KYNU: variants seen among roughly 807,000 people sequenced by gnomAD.
KYNU encodes the protein kynureninase.
Under a neutral mutation model 59.2 loss-of-function variants are expected in KYNU, and 54 were observed. That is an observed-to-expected ratio of 0.91 (90% CI 0.73 to 1.14). KYNU has a LOEUF of 1.14. KYNU is among the 50% of genes most tolerant of loss of function. The pLI is 0.00. For missense variants in KYNU, 567 were observed against 554.4 expected (o/e 1.02, Z -0.23); for synonymous variants, 177 against 192.0 (o/e 0.92, Z 0.65).
chr2:142,937,202 C>G (rs1193230876), intron 4 of KYNU, among the ~76,000 whole-genome samples: 3 of 152,096 alleles, frequency 2.0e-5, no homozygotes, highest in African/African-American at 7.2e-5. Flanking sequence ...GTGTACCCTG[C>G]TGATATATGT....
chr2:143,004,599 G>A (rs560092872), intron 10 of KYNU, among the ~76,000 whole-genome samples: 2 of 152,104 alleles, frequency 1.3e-5, no homozygotes, highest in Non-Finnish European at 2.9e-5. Flanking sequence ...CACTCGGGAG[G>A]CTGAGGCAGG....
intron 2 of KYNU, among the ~76,000 whole-genome samples, chr2:142,915,499 A>G (rs931838361): frequency 6.6e-6 from 1 of 152,230 alleles, no homozygotes; most frequent in Non-Finnish European, 1.5e-5. Flanking sequence ...ATCTGAAGTG[A>G]TGTTGATATT....
rs75627993 is a variant in KYNU at position 142,895,426 on chromosome 2, C to G, written c.169+9890C>G. 5.3e-3 allele frequency among the ~76,000 whole-genome samples: 807 copies of G among 152,188 alleles called. 2 individuals carry two copies. The highest frequency in any genetic ancestry group is 8.5e-3 in the Non-Finnish European group (577 of 68,004). ...CTGGTTTCCTTTACTTAAGGAAATG[C>G]CTTTGAGATTAAGCAAAGTTATGTC... On this transcript the variant is annotated intron_variant, in intron 2 of 13. Transcript: ENST00000264170.
intron 8 of KYNU, among the ~76,000 whole-genome samples, chr2:142,961,272 C>T (rs1684339128): frequency 7.1e-6 from 1 of 140,954 alleles, no homozygotes. Flanking sequence ...TCTATTTAAA[C>T]TGCTTTTTTT....
At chr2:142,927,029 A>G (rs1433577887) in intron 3 of KYNU, among the ~76,000 whole-genome samples, 2 of 152,110 alleles carry the variant, frequency 1.3e-5, no homozygotes, top group Non-Finnish European at 2.9e-5. Flanking sequence ...TTGAAAGTTG[A>G]AGTACTCTAT....
chr2:142,984,711 C>T (rs1032727968), intron 8 of KYNU, among the ~76,000 whole-genome samples: 4 of 152,018 alleles, frequency 2.6e-5, no homozygotes, highest in Admixed American at 2.0e-4. Context: ...GATATTTTCA[C>T]ATGAAACTTT....
At chr2:142,888,817 G>A (rs1206302938) in intron 2 of KYNU, among the ~76,000 whole-genome samples, 6 of 149,522 alleles carry the variant, frequency 4.0e-5, no homozygotes, top group African/African-American at 7.4e-5. Context: ...CTGTCAGAAC[G>A]GTTCAGAGAA....
chr2:143,039,181 G>T (rs1322800399), intron 12 of KYNU, among the ~76,000 whole-genome samples: 1 of 152,056 alleles, frequency 6.6e-6, no homozygotes, highest in Non-Finnish European at 1.5e-5. Flanking sequence ...AAATGCTTCA[G>T]TAAAAATAAA....
intron 2 of KYNU, among the ~76,000 whole-genome samples, chr2:142,887,041 G>C (rs1681539747): frequency 6.6e-6 from 1 of 152,006 alleles, no homozygotes; most frequent in African/African-American, 2.4e-5. Flanking sequence ...GTAGTGGCGG[G>C]CGCCTGTAGT....
chr2:142,978,403 A>G (rs1684950496), intron 8 of KYNU, among the ~76,000 whole-genome samples: 1 of 152,190 alleles, frequency 6.6e-6, no homozygotes, highest in Non-Finnish European at 1.5e-5. Context: ...AGAACACTTA[A>G]AGTTCTGATT....
intron 1 of KYNU, among the ~76,000 whole-genome samples, chr2:142,878,869 T>C (rs1417625188): frequency 6.6e-6 from 1 of 152,216 alleles, no homozygotes; most frequent in Non-Finnish European, 1.5e-5. Context: ...CCTAATGTCA[T>C]TTGAGCTTAA....
intron 1 of KYNU, among the ~76,000 whole-genome samples, chr2:142,883,186 CTTTTTTTTTTTTTTTTTT>C (rs70997528): frequency 1.4e-5 from 1 of 72,034 alleles, no homozygotes. Flanking sequence ...TCCCAAATTT[CTTTTTTTTTTTTTTTTTT>C]TTTTTTTTTG....
At chr2:142,916,767 AG>A (rs1478662616) in intron 2 of KYNU, among the ~76,000 whole-genome samples, 1 of 152,212 alleles carries the variant, frequency 6.6e-6, no homozygotes, top group Non-Finnish European at 1.5e-5. Context: ...AGGCACTAAA[AG>A]AAAGAGTTGG....
chr2:143,021,244 C>A (rs1373081709), intron 10 of KYNU, among the ~76,000 whole-genome samples: 2 of 152,014 alleles, frequency 1.3e-5, no homozygotes, highest in Admixed American at 6.6e-5. Context: ...AGGACTTTCT[C>A]TTCTGATTCA....
intron 2 of KYNU, among the ~76,000 whole-genome samples, chr2:142,904,574 A>G (rs1322810847): frequency 4.6e-5 from 7 of 152,202 alleles, no homozygotes. Flanking sequence ...TAAAGCATCA[A>G]TATAGCCAAC....
intron 3 of KYNU, among the ~76,000 whole-genome samples, chr2:142,927,207 T>A (rs1420720270): frequency 1.3e-5 from 2 of 152,214 alleles, no homozygotes; most frequent in East Asian, 3.8e-4. Context: ...ATGAGTATAA[T>A]CACATTTTAT....
rs112859543 is a variant in KYNU at position 142,989,310 on chromosome 2, C to A, written c.902+3289C>A. 108 of 900,716 alleles carry A rather than the reference C, an allele frequency of 1.2e-4. 1 individual carries two copies. In the African/African-American group the frequency reaches 1.7e-3, roughly 14 times the overall value. The allele number at this position is 900,716 out of a possible 1,614,324, so 55.8% of individuals were successfully genotyped here. ...AGCTGGTTTAACTATGTTTAATAAG[C>A]CTTCTGTCATCTTACTTTTCTGTTC... is the stretch of plus-strand genomic sequence containing the variant. On this transcript the variant is annotated intron_variant, in intron 10 of 13. Coordinates refer to ENST00000264170, the MANE Select transcript of KYNU (RefSeq NM_003937.3).
At position 143,055,190 on chromosome 2, in the gene KYNU, T is replaced by C. The variant is rs973697464; in HGVS notation, c.*13018T>C. On this transcript the variant is annotated 3_prime_UTR_variant, in exon 14 of 14. Transcript: ENST00000264170. ...ATAGTGACTGAAAATAACCCACATT[T>C]ATTATCTTACAGTTCCATAGGTTAG... 6.6e-6 allele frequency: 1 copy of C among 152,158 alleles called. No homozygotes were observed. Among genetic ancestry groups the C allele is most frequent in the African/African-American group, 2.4e-5 (1 of 41,446 alleles). The allele number at this position is 152,158 out of a possible 1,614,324, so 9.4% of individuals were successfully genotyped here.
intron 10 of KYNU, among the ~76,000 whole-genome samples, chr2:143,014,818 G>T (rs1686205416): frequency 6.6e-6 from 1 of 152,124 alleles, no homozygotes; most frequent in Non-Finnish European, 1.5e-5. Flanking sequence ...TCAAATCAGA[G>T]GAATGACAAC....
Sources: allele counts gnomAD v4.1 joint callset (sites outside exome capture counted in the v4.1 genomes callset), GRCh38; gene constraint gnomAD v4.1.1; transcripts MANE v1.5; gene names NCBI Gene and HGNC (gene_info 2026-07-23, HGNC 2026-07-21).